Variants in OLFM2 observed in about 807,000 individuals in gnomAD.
The protein encoded by OLFM2 is noelin-2.
In OLFM2, 20 loss-of-function variants were observed where a neutral mutation model predicts 43.9. The ratio of observed to expected loss-of-function variants is 0.46; its 90% CI spans 0.32 to 0.66. OLFM2 has a LOEUF of 0.66. OLFM2 is among the 30% of genes least tolerant of loss of function. OLFM2 has a pLI of 0.04. For synonymous variants in OLFM2, 268 were observed against 278.6 expected, an observed-to-expected ratio of 0.96 and a Z score of 0.38; for missense variants, 416 against 643.6, an observed-to-expected ratio of 0.65 and a Z score of 3.83.
chr19:9,934,351 C>A (rs919151541), intron 1 of OLFM2, among the ~76,000 whole-genome samples: 2 of 152,166 alleles, frequency 1.3e-5, no homozygotes, highest in African/African-American at 2.4e-5. Flanking sequence ...CCCCGTTGTC[C>A]TTTAGCCCCG....
intron 1 of OLFM2, among the ~76,000 whole-genome samples, chr19:9,915,493 C>CTTTT (rs1555728537): frequency 1.6e-4 from 21 of 130,970 alleles, no homozygotes; most frequent in African/African-American, 6.3e-4. Context: ...GAGAAAGGGA[C>CTTTT]TTTTTTATTT....
At chr19:9,909,947 T>A (rs1033368029) in intron 1 of OLFM2, among the ~76,000 whole-genome samples, 1 of 142,596 alleles carries the variant, frequency 7.0e-6, no homozygotes, top group Admixed American at 7.4e-5. Flanking sequence ...GTGGATTCAG[T>A]CATTGGACAA....
chr19:9,888,200 C>A (rs1172738253), intron 1 of OLFM2, among the ~76,000 whole-genome samples: 1 of 152,072 alleles, frequency 6.6e-6, no homozygotes, highest in East Asian at 1.9e-4. Flanking sequence ...CTCCTTCAGA[C>A]CCTTACTGAA....
intron 1 of OLFM2, among the ~76,000 whole-genome samples, chr19:9,932,362 C>T (rs113878361): frequency 0.034 from 5,159 of 149,780 alleles, 135 homozygotes; most frequent in African/African-American, 0.071. Context: ...GGCTGAGGCA[C>T]GAGAATCACT....
At chr19:9,932,779 G>T (rs981111244) in intron 1 of OLFM2, among the ~76,000 whole-genome samples, 28 of 152,162 alleles carry the variant, frequency 1.8e-4, no homozygotes, top group Non-Finnish European at 2.9e-5. Flanking sequence ...GGCCTTCGCA[G>T]GGATCAGGAA....
In OLFM2 at chr19:9,861,208, T is replaced by G. The variant is rs916902711; in HGVS notation, c.64-414A>C. ...CTATCTCAGGGCCACTTAATGTTTT[T>G]TTTTTTTTTTGGTTTGTTTTTTGTT... On this transcript the variant is annotated intron_variant, in intron 1 of 5. Coordinates refer to ENST00000264833, the MANE Select transcript of OLFM2 (RefSeq NM_058164.4). Among the ~76,000 whole-genome samples the G allele has an allele frequency of 2.6e-5, 4 of 151,800 alleles. No individual in the cohort carries two copies. In the South Asian group the frequency reaches 6.2e-4, roughly 24 times the overall value.
Position 9,935,541 on chromosome 19 carries a change from GCA to G in OLFM2, c.63+761_63+762del, listed in dbSNP as rs1005917864. ...GGACACGTTTGCACACACAGCGCTT[GCA>G]CACACACACACCCTTTTAGAGTGAT... On this transcript the variant is annotated intron_variant, in intron 1 of 5. Transcript: ENST00000264833. Among the ~76,000 whole-genome samples the G allele has an allele frequency of 7.2e-5, 11 of 151,950 alleles. No homozygotes were observed. The East Asian group carries it at 1.4e-3, about 19-fold the overall frequency.
intron 2 of OLFM2, among the ~76,000 whole-genome samples, chr19:9,858,627 A>G (rs940769575): frequency 1.3e-5 from 2 of 152,136 alleles, no homozygotes; most frequent in African/African-American, 4.8e-5. Context: ...CTGAATGAGT[A>G]AAATAAACTT....
chr19:9,876,119 G>A (rs948981638), intron 1 of OLFM2, among the ~76,000 whole-genome samples: 4 of 152,180 alleles, frequency 2.6e-5, no homozygotes, highest in Admixed American at 2.6e-4. Context: ...ACGTAAAAAT[G>A]AGCCTGGGTG....
chr19:9,876,307 G>A (rs1428217796), intron 1 of OLFM2, among the ~76,000 whole-genome samples: 1 of 152,168 alleles, frequency 6.6e-6, no homozygotes, highest in Non-Finnish European at 1.5e-5. Flanking sequence ...TAACTTCCAT[G>A]GCTGGCTGAG....
intron 1 of OLFM2, among the ~76,000 whole-genome samples, chr19:9,899,206 A>G (rs2046710234): frequency 1.3e-5 from 2 of 152,000 alleles, no homozygotes; most frequent in South Asian, 2.1e-4. Flanking sequence ...TGGAGGCTGC[A>G]GCGAGCCAAG....
In OLFM2 at chr19:9,856,931, G is replaced by A; in HGVS notation, c.581-18C>T. The A allele has an allele frequency of 6.3e-7, 1 of 1,575,946 alleles. No individual in the cohort carries two copies. The highest frequency in any genetic ancestry group is 8.7e-7 in the Non-Finnish European group (1 of 1,154,130). ...CCCACAGCCTGGGAGGCAGGAACAGGGGGAATGAGGATGGGGAAATGAACA... is the reference window on the plus strand; with the variant it reads ...CCCACAGCCTGGGAGGCAGGAACAGAGGGAATGAGGATGGGGAAATGAACA... On this transcript the variant is annotated intron_variant, in intron 4 of 5. Transcript: ENST00000264833. This position sits in a 1 kb window ranked among gnomAD's most constrained non-coding sequence, Gnocchi z 4.0.
At chr19:9,888,744 C>T (rs766727220) in intron 1 of OLFM2, among the ~76,000 whole-genome samples, 15 of 152,120 alleles carry the variant, frequency 9.9e-5, no homozygotes, top group Non-Finnish European at 2.1e-4. Context: ...TCATCTTGCA[C>T]ACAACAGGCA....
intron 1 of OLFM2, among the ~76,000 whole-genome samples, chr19:9,899,730 T>C (rs2046714628): frequency 6.6e-6 from 1 of 151,924 alleles, no homozygotes; most frequent in Non-Finnish European, 1.5e-5. Flanking sequence ...TTCTGTATTT[T>C]TTTTTAGAGA....
At chr19:9,880,296 C>T (rs149399535) in intron 1 of OLFM2, among the ~76,000 whole-genome samples, 6 of 152,332 alleles carry the variant, frequency 3.9e-5, no homozygotes, top group African/African-American at 1.4e-4. Context: ...GAAATATTTA[C>T]TGAGCACCCA....
At chr19:9,903,736 G>T (rs2046760056) in intron 1 of OLFM2, among the ~76,000 whole-genome samples, 1 of 152,170 alleles carries the variant, frequency 6.6e-6, no homozygotes, top group Non-Finnish European at 1.5e-5. Context: ...TCCTGGAATA[G>T]CCAGAGAATG....
At chr19:9,917,242 T>C (rs1464546388) in intron 1 of OLFM2, among the ~76,000 whole-genome samples, 4 of 152,078 alleles carry the variant, frequency 2.6e-5, no homozygotes, top group African/African-American at 7.2e-5. Flanking sequence ...GGTTCAATCA[T>C]AGCTCATTGC....
chr19:9,935,171 G>A (rs978818908), intron 1 of OLFM2, among the ~76,000 whole-genome samples: 2 of 152,156 alleles, frequency 1.3e-5, no homozygotes, highest in Admixed American at 1.3e-4. Flanking sequence ...GGCAGAGGGG[G>A]TTAAATGCCT....
intron 2 of OLFM2, chr19:9,858,182 T>C (rs2046338027): frequency 4.7e-6 from 2 of 425,102 alleles, no homozygotes; most frequent in Non-Finnish European, 8.9e-6. Context: ...AAACAGAGAT[T>C]AGATCACCTT....
Sources: allele counts gnomAD v4.1 joint callset (sites outside exome capture counted in the v4.1 genomes callset), GRCh38; gene constraint gnomAD v4.1.1; non-coding constraint Gnocchi (gnomAD v3.1); transcripts MANE v1.5; gene names NCBI Gene and HGNC (gene_info 2026-07-23, HGNC 2026-07-21).